Variants in EIF3H observed in about 807,000 individuals in gnomAD.
The protein encoded by EIF3H is eukaryotic translation initiation factor 3 subunit H, also known as eIF-3-gamma.
In EIF3H, 26 loss-of-function variants were observed where a neutral mutation model predicts 44.2. The observed-to-expected ratio is 0.59, with a 90% CI of 0.43 to 0.82. The LOEUF is 0.82. EIF3H is among the 40% of genes least tolerant of loss of function. The pLI, the probability that EIF3H is intolerant of heterozygous loss-of-function variation, is 0.00. For missense variants in EIF3H, 359 were observed against 432.8 expected (o/e 0.83, Z 1.51); for synonymous variants, 166 against 151.9 (o/e 1.09, Z -0.68).
Position 116,658,900 on chromosome 8 carries a change from A to T in EIF3H, c.370T>A (p.Tyr124Asn). 3.1e-6 allele frequency: 5 copies of T among 1,613,978 alleles called. No homozygotes were observed. The highest frequency in any genetic ancestry group is 4.2e-6 in the Non-Finnish European group (5 of 1,179,858). ...GCCCGGGTAACGAATGAGCCATAGT[A>T]TGTGGACTGATACCAGCCCACGTGA... ...HLHVGWYQSTYYGSFVTRALL... is the reference protein window; with the variant it reads ...HLHVGWYQSTNYGSFVTRALL... Residue 124 changes from tyrosine to asparagine, a missense_variant, in exon 3 of 8, where the codon TAC (tyrosine) becomes AAC (asparagine). Tyr to Asn is a moderately radical substitution (Grantham distance 143, BLOSUM62 -2). This residue lies in a region of EIF3H where 91 missense variants were observed against 164.6 expected (regional missense o/e 0.55). Transcript: ENST00000521861.
chr8:116,701,104 T>C (rs1328897222), intron 2 of EIF3H, among the ~76,000 whole-genome samples: 1 of 152,186 alleles, frequency 6.6e-6, no homozygotes, highest in Non-Finnish European at 1.5e-5. Context: ...CAAAGGAAAC[T>C]GACACAGTAA....
chr8:116,762,109 G>A (rs1815524345), intron 1 of EIF3H, among the ~76,000 whole-genome samples: 1 of 152,180 alleles, frequency 6.6e-6, no homozygotes, highest in African/African-American at 2.4e-5. Flanking sequence ...TTTTGAACCT[G>A]TTCAAAGGAA....
intron 1 of EIF3H, among the ~76,000 whole-genome samples, chr8:116,732,440 A>G (rs1260416821): frequency 2.0e-5 from 3 of 152,180 alleles, no homozygotes; most frequent in Non-Finnish European, 4.4e-5. Flanking sequence ...ATTTAACAGA[A>G]TCTCTAAGAC....
intron 2 of EIF3H, among the ~76,000 whole-genome samples, chr8:116,679,169 TG>T (rs1813916615): frequency 4.4e-5 from 1 of 22,500 alleles, no homozygotes; most frequent in Non-Finnish European, 1.0e-4. Context: ...AGGGAGGTGG[TG>T]GGGGTCAGCC....
chr8:116,754,908 T>TA (rs1235863617), intron 1 of EIF3H, among the ~76,000 whole-genome samples: 5 of 152,222 alleles, frequency 3.3e-5, no homozygotes, highest in Non-Finnish European at 5.9e-5. Context: ...AAATAACCTT[T>TA]AAAAAAATCA....
chr8:116,752,907 C>G (rs1292169883), intron 1 of EIF3H, among the ~76,000 whole-genome samples: 1 of 151,688 alleles, frequency 6.6e-6, no homozygotes, highest in East Asian at 1.9e-4. Flanking sequence ...TAAATTGTAT[C>G]TGGGCAAACG....
At chr8:116,737,601 G>C (rs1815062857) in intron 1 of EIF3H, 1 of 183,476 alleles carries the variant, frequency 5.5e-6, no homozygotes, top group Non-Finnish European at 1.1e-5. Flanking sequence ...AGGATGCAGT[G>C]AGCTGAGATC....
Position 116,751,160 on chromosome 8 carries a change from C to T in EIF3H, c.132+4506G>A, listed in dbSNP as rs371059577. On this transcript the variant is annotated intron_variant, in intron 1 of 7. Transcript: ENST00000521861. ...CCGGGAGGCGGAGCTTGCAGTGAGCCGAGATTGCGCCACTGCACTCCAGCC... is the reference window on the plus strand; with the variant it reads ...CCGGGAGGCGGAGCTTGCAGTGAGCTGAGATTGCGCCACTGCACTCCAGCC... Among the ~76,000 whole-genome samples, 12 of 150,914 alleles carry T rather than the reference C, an allele frequency of 8.0e-5. No individual in the cohort carries two copies. The East Asian group carries it at 2.2e-3, about 27-fold the overall frequency.
chr8:116,719,905 C>A (rs1814715986), intron 2 of EIF3H, among the ~76,000 whole-genome samples: 1 of 152,170 alleles, frequency 6.6e-6, no homozygotes, highest in East Asian at 1.9e-4. Flanking sequence ...CATCCTTTAA[C>A]CTCTGGCATA....
At chr8:116,751,008 C>A (rs1415438085) in intron 1 of EIF3H, among the ~76,000 whole-genome samples, 3 of 151,148 alleles carry the variant, frequency 2.0e-5, no homozygotes, top group African/African-American at 7.3e-5. Context: ...GTCAGGAGAT[C>A]GAGACCATCC....
chr8:116,753,955 T>A (rs1023871192), intron 1 of EIF3H, among the ~76,000 whole-genome samples: 1 of 152,152 alleles, frequency 6.6e-6, no homozygotes, highest in African/African-American at 2.4e-5. Flanking sequence ...ATTTCCCAAG[T>A]GCATAAGTGG....
At chr8:116,733,364 G>A (rs1814982642) in intron 1 of EIF3H, among the ~76,000 whole-genome samples, 1 of 152,158 alleles carries the variant, frequency 6.6e-6, no homozygotes, top group Non-Finnish European at 1.5e-5. Context: ...CTCTTTCCCA[G>A]AGGTCAGTGG....
rs1813947014 is a variant in EIF3H at position 116,680,041 on chromosome 8, G to T, written c.290-21061C>A. 6.5e-5 allele frequency among the ~76,000 whole-genome samples: 2 copies of T among 30,968 alleles called. 1 individual carries two copies. The highest frequency in any genetic ancestry group is 1.8e-3 in the South Asian group (2 of 1,098). The allele number at this position is 30,968 out of a possible 152,430, so 20.3% of individuals were successfully genotyped here. A position where few individuals can be genotyped will look rare whatever the true frequency, so the allele number is the denominator to read the frequency against. ...GCCCCGTCCGGGAGGGAGGCGGGGG[G>T]GGGGTCGGCCAGCCGCCCTGTCCAG... On this transcript the variant is annotated intron_variant, in intron 2 of 7. Transcript: ENST00000521861.
intron 2 of EIF3H, among the ~76,000 whole-genome samples, chr8:116,700,111 TTTTTTA>T (rs1291402467): frequency 1.3e-5 from 2 of 152,098 alleles, no homozygotes; most frequent in South Asian, 2.1e-4. Flanking sequence ...CGGCCGTAGG[TTTTTTA>T]TTTTTATTTT....
chr8:116,691,933 T>C (rs1012479506), intron 2 of EIF3H, among the ~76,000 whole-genome samples: 2 of 152,124 alleles, frequency 1.3e-5, no homozygotes, highest in Admixed American at 6.5e-5. Context: ...TAAGGTTTTC[T>C]GGGTTAGACA....
At chr8:116,707,299 G>C (rs2130891815) in intron 2 of EIF3H, among the ~76,000 whole-genome samples, 1 of 152,134 alleles carries the variant, frequency 6.6e-6, no homozygotes, top group African/African-American at 2.4e-5. Context: ...TGGTCCAAAA[G>C]GATATCTATA....
intron 2 of EIF3H, among the ~76,000 whole-genome samples, chr8:116,697,753 C>G (rs1284422886): frequency 6.6e-6 from 1 of 151,996 alleles, no homozygotes; most frequent in Non-Finnish European, 1.5e-5. Flanking sequence ...TTCAACTGGC[C>G]CTGATTACTT....
chr8:116,672,152 T>C (rs1017069657), intron 2 of EIF3H, among the ~76,000 whole-genome samples: 23 of 152,162 alleles, frequency 1.5e-4, no homozygotes, highest in Admixed American at 6.5e-5. Flanking sequence ...CAGAGACAGA[T>C]AAAAATCTGC....
At chr8:116,708,119 T>C (rs1316319017) in intron 2 of EIF3H, among the ~76,000 whole-genome samples, 1 of 152,116 alleles carries the variant, frequency 6.6e-6, no homozygotes, top group Non-Finnish European at 1.5e-5. Context: ...AGGCTGTTGA[T>C]TGTCACTTCC....
Sources: allele counts gnomAD v4.1 joint callset (sites outside exome capture counted in the v4.1 genomes callset), GRCh38; gene constraint gnomAD v4.1.1; regional missense constraint gnomAD v4.1.1; transcripts MANE v1.5; gene names NCBI Gene and HGNC (gene_info 2026-07-23, HGNC 2026-07-21).